BIRC2: variants seen among roughly 807,000 people sequenced by gnomAD.
The protein encoded by BIRC2 is baculoviral IAP repeat-containing protein 2.
Under a neutral mutation model 60.9 loss-of-function variants are expected in BIRC2, and 18 were observed. The ratio of observed to expected loss-of-function variants is 0.30; its 90% CI spans 0.20 to 0.44. The LOEUF is 0.44. Among genes scored for constraint, BIRC2 ranks in the 20% least tolerant of loss-of-function variants. The pLI, the probability that BIRC2 is intolerant of heterozygous loss-of-function variation, is 1.00. For missense variants in BIRC2, 701 were observed against 728.5 expected (o/e 0.96, Z 0.43); for synonymous variants, 282 against 247.7 (o/e 1.14, Z -1.30).
chr11:102,365,013 C>T (rs1174688856), intron 5 of BIRC2, among the ~76,000 whole-genome samples: 1 of 152,188 alleles, frequency 6.6e-6, no homozygotes, highest in African/African-American at 2.4e-5. Flanking sequence ...TTCTAACACT[C>T]TCTTCCCACC....
chr11:102,373,536 C>T (rs540937885), intron 6 of BIRC2, among the ~76,000 whole-genome samples: 464 of 152,034 alleles, frequency 3.1e-3, no homozygotes, highest in Non-Finnish European at 4.5e-3. Flanking sequence ...CCGAGAGATC[C>T]GTTGTTAGTC....
At chr11:102,357,248 C>T (rs182262997) in intron 3 of BIRC2, among the ~76,000 whole-genome samples, 30 of 151,698 alleles carry the variant, frequency 2.0e-4, no homozygotes, top group Admixed American at 1.8e-3. Flanking sequence ...AGTATTCCCC[C>T]CTCCTCCCTC....
chr11:102,353,174 A>G lies in BIRC2; in HGVS notation c.995+2231A>G, dbSNP rs565132703. Among the ~76,000 whole-genome samples, 25 of 152,342 alleles carry G rather than the reference A, an allele frequency of 1.6e-4. 1 individual carries two copies. Among genetic ancestry groups the G allele is most frequent in the African/African-American group, 6.0e-4 (25 of 41,582 alleles). On this transcript the variant is annotated intron_variant, in intron 3 of 8. Transcript: ENST00000227758. ...TATCAAAGACAAAAACAGCTTCCAA[A>G]TTCCAGTGTTGGAACTGCTACATTT...
At position 102,350,238 on chromosome 11, in the gene BIRC2, G is replaced by C. The variant is rs767547513; in HGVS notation, c.384G>C (p.Thr128=). The change falls in exon 2 of 9, where the codon ACG becomes ACC. Residue 128 remains threonine (T), a synonymous_variant. Transcript: ENST00000227758. The part of the protein sequence containing the change: ...SASLGSTSKN[T]SPMRNSFAHS... ...GTCTGGGATCCACCTCTAAGAATAC[G>C]TCTCCAATGAGAAACAGTTTTGCAC... 1 of 1,614,184 alleles carries C rather than the reference G, an allele frequency of 6.2e-7. No individual in the cohort carries two copies. Among genetic ancestry groups the C allele is most frequent in the South Asian group, 1.1e-5 (1 of 91,084 alleles).
intron 3 of BIRC2, among the ~76,000 whole-genome samples, chr11:102,355,522 T>C (rs1414422244): frequency 1.3e-5 from 2 of 152,188 alleles, no homozygotes; most frequent in African/African-American, 4.8e-5. Context: ...CTTTGTAATA[T>C]AGCTTGAAAT....
chr11:102,364,935 A>G (rs749531163), intron 5 of BIRC2, among the ~76,000 whole-genome samples: 1 of 152,234 alleles, frequency 6.6e-6, no homozygotes, highest in Non-Finnish European at 1.5e-5. Flanking sequence ...CAGTTCTACC[A>G]TAGGTCCTAA....
intron 3 of BIRC2, among the ~76,000 whole-genome samples, chr11:102,354,911 T>C (rs1003606649): frequency 1.3e-5 from 2 of 151,712 alleles, no homozygotes; most frequent in Non-Finnish European, 2.9e-5. Context: ...TCTGTTCAGG[T>C]CCTTTGCCCG....
In BIRC2 at chr11:102,374,302, T is replaced by C. The variant is rs917000245; in HGVS notation, c.1367-3194T>C. Reference sequence around the variant, plus strand: ...TTTTTCCCCCATCTTTGTGGTTTTATCTATTTTTGGTCTTTGATGATGGTG... The same window carrying C: ...TTTTTCCCCCATCTTTGTGGTTTTACCTATTTTTGGTCTTTGATGATGGTG... On this transcript the variant is annotated intron_variant, in intron 6 of 8. Transcript: ENST00000227758. 2.3e-4 allele frequency among the ~76,000 whole-genome samples: 34 copies of C among 150,904 alleles called. 1 individual carries two copies. Among genetic ancestry groups the C allele is most frequent in the Non-Finnish European group, 4.3e-4 (29 of 67,586 alleles).
intron 6 of BIRC2, among the ~76,000 whole-genome samples, chr11:102,373,032 C>T (rs1281625829): frequency 1.3e-5 from 2 of 150,940 alleles, no homozygotes; most frequent in South Asian, 4.2e-4. Context: ...AGATCTTCCT[C>T]CATCCTTTTA....
At chr11:102,367,287 G>A (rs529791089) in intron 5 of BIRC2, among the ~76,000 whole-genome samples, 2 of 151,636 alleles carry the variant, frequency 1.3e-5, no homozygotes, top group East Asian at 3.9e-4. Flanking sequence ...ATTCCCTATT[G>A]AGAGCTATTC....
rs1283070211 is a variant in BIRC2, at chr11:102,377,975, A to AT, written c.1664-9dup. On this transcript the variant is annotated splice_polypyrimidine_tract_variant and intron_variant, in intron 8 of 8. Coordinates refer to ENST00000227758, the MANE Select transcript of BIRC2 (RefSeq NM_001166.5). ...AAGTGGAAACAATTTCACTAAAGTT[A>AT]TTTTTTGTTATTAGGTCTGTCACTG... 4.4e-6 allele frequency: 7 copies of AT among 1,600,752 alleles called. No homozygotes were observed. Among genetic ancestry groups the AT allele is most frequent in the Admixed American group, 1.8e-5 (1 of 56,506 alleles).
chr11:102,369,166 AT>A (rs931200277), intron 6 of BIRC2, among the ~76,000 whole-genome samples: 11 of 147,280 alleles, frequency 7.5e-5, no homozygotes, highest in South Asian at 2.2e-4. Context: ...TCTTTTTTCT[AT>A]TTTTTTTTAA....
At position 102,350,846 on chromosome 11, in the gene BIRC2, C is replaced by G; in HGVS notation, c.898C>G (p.Arg300Gly). 3 of 1,612,890 alleles carry G rather than the reference C, an allele frequency of 1.9e-6. No homozygotes were observed. In the African/African-American group the frequency reaches 4.0e-5, roughly 22 times the overall value. Residue 300 changes from arginine (R) to glycine (G), a missense_variant and splice_region_variant, in exon 3 of 9, where the codon CGC (arginine) becomes GGC (glycine). By Grantham distance (125) the Arg-to-Gly change is moderately radical. Coordinates refer to ENST00000227758, the MANE Select transcript of BIRC2 (RefSeq NM_001166.5). ...ATTTAGTCTTTTTTTTCCTGAAGGT[C>G]GCAATGATGATGTCAAATGCTTTTG... ...LASAGFYYVGRNDDVKCFCCD... is the reference protein window; with the variant it reads ...LASAGFYYVGGNDDVKCFCCD...
chr11:102,364,178 C>CATACAT (rs1565335647), intron 5 of BIRC2, among the ~76,000 whole-genome samples: 8 of 62,742 alleles, frequency 1.3e-4, no homozygotes, highest in African/African-American at 6.3e-4. Flanking sequence ...TATATATACA[C>CATACAT]ACACACACAG....
intron 4 of BIRC2, 71 bp from the exon 5 acceptor site, chr11:102,363,597 T>A (rs548795650): frequency 8.4e-7 from 1 of 1,188,940 alleles, no homozygotes; most frequent in African/African-American, 1.5e-5. Flanking sequence ...AGTAAGCTTA[T>A]TTTAGTGTTG....
At chr11:102,369,581 T>G (rs1198788458) in intron 6 of BIRC2, among the ~76,000 whole-genome samples, 1 of 146,138 alleles carries the variant, frequency 6.8e-6, no homozygotes, top group Non-Finnish European at 1.5e-5. Flanking sequence ...ACATTTGGGT[T>G]GGTTCCAAGT....
intron 3 of BIRC2, among the ~76,000 whole-genome samples, chr11:102,353,309 C>T (rs1040103505): frequency 1.3e-5 from 2 of 152,064 alleles, no homozygotes; most frequent in African/African-American, 2.4e-5. Flanking sequence ...TCTCTGAAAA[C>T]AACACATTTC....
rs187843693 is a variant in BIRC2 at position 102,354,645 on chromosome 11, C to T, written c.995+3702C>T. ...GGGATTGCTAGATCATATGCTAATTCTATTTTTAGTTTTTTGAGCAACCTC... is the reference window on the plus strand; with the variant it reads ...GGGATTGCTAGATCATATGCTAATTTTATTTTTAGTTTTTTGAGCAACCTC... On this transcript the variant is annotated intron_variant, in intron 3 of 8. Coordinates refer to ENST00000227758, the MANE Select transcript of BIRC2 (RefSeq NM_001166.5). Among the ~76,000 whole-genome samples the T allele has an allele frequency of 2.0e-5, 3 of 152,292 alleles. No homozygotes were observed. In the East Asian group the frequency reaches 5.8e-4, roughly 29 times the overall value.
chr11:102,355,685 G>C (rs1340368291), intron 3 of BIRC2, among the ~76,000 whole-genome samples: 1 of 151,900 alleles, frequency 6.6e-6, no homozygotes, highest in East Asian at 1.9e-4. Flanking sequence ...GGATTATATT[G>C]AATCTGTAGA....
Sources: gnomAD v4.1 joint callset for allele counts (sites outside exome capture counted in the v4.1 genomes callset) on GRCh38, gnomAD v4.1.1 for gene constraint, MANE v1.5 for transcripts, NCBI Gene and HGNC (gene_info 2026-07-23, HGNC 2026-07-21) for gene names.